The following FRK variants were observed in gnomAD, a reference collection of about 807,000 sequenced individuals.
The protein encoded by FRK is tyrosine-protein kinase FRK.
Under a neutral mutation model 56.4 loss-of-function variants are expected in FRK, and 51 were observed. The ratio of observed to expected loss-of-function variants is 0.90; its 90% CI spans 0.72 to 1.14. The LOEUF is 1.14. Ranked by LOEUF, FRK falls within the 50% of genes most tolerant of loss-of-function variation. The pLI is 0.00. For missense variants in FRK, 570 were observed against 601.4 expected (o/e 0.95, Z 0.55); for synonymous variants, 245 against 217.9 (o/e 1.12, Z -1.10).
At chr6:116,000,711 C>A (rs1775032305) in intron 2 of FRK, among the ~76,000 whole-genome samples, 2 of 152,068 alleles carry the variant, frequency 1.3e-5, no homozygotes, top group African/African-American at 4.8e-5. Flanking sequence ...ATAAAGATTT[C>A]AAAAAGATTT....
intron 1 of FRK, among the ~76,000 whole-genome samples, chr6:116,057,460 G>C (rs532864166): frequency 6.6e-6 from 1 of 152,206 alleles, no homozygotes; most frequent in Non-Finnish European, 1.5e-5. Flanking sequence ...AGAAGCTACA[G>C]CTACTTGCAC....
At chr6:116,012,925 AT>A (rs1195103701) in intron 1 of FRK, among the ~76,000 whole-genome samples, 1 of 152,136 alleles carries the variant, frequency 6.6e-6, no homozygotes, top group African/African-American at 2.4e-5. Flanking sequence ...AATGAAATTG[AT>A]TTTTCTGTCC....
In FRK at chr6:115,942,495, T is replaced by C; in HGVS notation, c.1437A>G (p.Thr479=). Residue 479 remains threonine (T), a synonymous_variant, in exon 8 of 8, where the codon ACA becomes ACG. Coordinates refer to ENST00000606080, the MANE Select transcript of FRK (RefSeq NM_002031.3). Reference sequence around the variant, plus strand: ...CAAGTTTCCAACGCAGTGTCTCAAATGTAGGTCGTTCCTTAGGCTCTGCAT... The same window carrying C: ...CAAGTTTCCAACGCAGTGTCTCAAACGTAGGTCGTTCCTTAGGCTCTGCAT... ...CWNAEPKERP[T]FETLRWKLED... 1.2e-6 allele frequency: 2 copies of C among 1,613,820 alleles called. No individual in the cohort carries two copies. The highest frequency in any genetic ancestry group is 2.7e-5 in the African/African-American group (2 of 75,022).
Position 115,937,747 on chromosome 6 carries a change from T to C in FRK, c.*4667A>G, listed in dbSNP as rs1772077479. ...GACAAAGAAGGGCATTACATAATGG[T>C]AAACAGATCAATGCAACAAGAATAG... is the stretch of plus-strand genomic sequence containing the variant. On this transcript the variant is annotated 3_prime_UTR_variant, in exon 8 of 8. Coordinates refer to ENST00000606080, the MANE Select transcript of FRK (RefSeq NM_002031.3). 1.3e-5 allele frequency: 2 copies of C among 152,192 alleles called. No homozygotes were observed. Among genetic ancestry groups the C allele is most frequent in the African/African-American group, 2.4e-5 (1 of 41,442 alleles). 9.4% of individuals were successfully genotyped at this position (152,192 alleles called of 1,614,324 possible).
intron 2 of FRK, among the ~76,000 whole-genome samples, chr6:116,002,220 G>A (rs1775090081): frequency 6.6e-6 from 1 of 152,148 alleles, no homozygotes; most frequent in Non-Finnish European, 1.5e-5. Flanking sequence ...ATGTGGACTG[G>A]TGTGAAGTCC....
Position 115,944,343 on chromosome 6 carries a change from A to C in FRK, c.1041T>G (p.Ser347=). 1 of 1,613,124 alleles carries C rather than the reference A, an allele frequency of 6.2e-7. No homozygotes were observed. Among genetic ancestry groups the C allele is most frequent in the South Asian group, 1.1e-5 (1 of 91,032 alleles). Residue 347 remains serine, a synonymous_variant, in exon 6 of 8, where the codon TCT becomes TCG. Transcript: ENST00000606080. ...CCAGATCTCTGTGAATGTAGTTCCG[A>C]GACTCCAGATAGGCCATTCCAGAGG... ...QVASGMAYLE[S]RNYIHRDLAA...
chr6:116,082,491 T>C, the FRK span, among the ~76,000 whole-genome samples: 13 of 152,118 alleles, frequency 8.5e-5, no homozygotes, highest in African/African-American at 2.9e-4. Flanking sequence ...AGTGAAGCAG[T>C]GTAACCACCT....
Position 115,934,622 on chromosome 6 carries a change from G to C in FRK, c.*7792C>G, listed in dbSNP as rs532234384. The C allele has an allele frequency of 6.6e-6, 1 of 152,270 alleles. No individual in the cohort carries two copies. Among genetic ancestry groups the C allele is most frequent in the South Asian group, 2.1e-4 (1 of 4,820 alleles). 9.4% of individuals were successfully genotyped at this position (152,270 alleles called of 1,614,324 possible). ...CCTACTTCCTGTCTCCCAGTTAAAA[G>C]AGTTTACAAATTTACTTCTTGTTTA... On this transcript the variant is annotated 3_prime_UTR_variant, in exon 8 of 8. Coordinates refer to ENST00000606080, the MANE Select transcript of FRK (RefSeq NM_002031.3).
chr6:116,075,465 G>GAAA, the FRK span, among the ~76,000 whole-genome samples: 9 of 136,420 alleles, frequency 6.6e-5, no homozygotes, highest in African/African-American at 1.1e-4. Context: ...AGAGCTGGGG[G>GAAA]AAAAAAAAAA....
At chr6:116,029,963 C>A (rs1776241125) in intron 1 of FRK, among the ~76,000 whole-genome samples, 1 of 151,962 alleles carries the variant, frequency 6.6e-6, no homozygotes, top group South Asian at 2.1e-4. Context: ...ATTCCAGATC[C>A]TATTTATTTT....
At chr6:115,993,698 T>C (rs1004611446) in intron 2 of FRK, among the ~76,000 whole-genome samples, 4 of 152,060 alleles carry the variant, frequency 2.6e-5, no homozygotes, top group Non-Finnish European at 1.5e-5. Flanking sequence ...GAGGAAAGCT[T>C]TCTTATGCTA....
At chr6:115,960,586 G>A (rs1773318017) in intron 4 of FRK, among the ~76,000 whole-genome samples, 2 of 131,166 alleles carry the variant, frequency 1.5e-5, no homozygotes, top group Non-Finnish European at 3.2e-5. Context: ...TCCACCTCTG[G>A]GGGCAGGGCA....
At chr6:116,039,714 C>T (rs1309526769) in intron 1 of FRK, among the ~76,000 whole-genome samples, 2 of 152,060 alleles carry the variant, frequency 1.3e-5, no homozygotes, top group Admixed American at 6.5e-5. Flanking sequence ...TGGAACTAGA[C>T]GTCACCAAGG....
chr6:116,003,541 A>G (rs1321188901), intron 2 of FRK, among the ~76,000 whole-genome samples: 1 of 152,258 alleles, frequency 6.6e-6, no homozygotes, highest in African/African-American at 2.4e-5. Context: ...TTGTAGCATG[A>G]TAATTTTGAC....
chr6:116,063,054 T>A (rs1450828603), upstream of FRK, among the ~76,000 whole-genome samples: 1 of 152,114 alleles, frequency 6.6e-6, no homozygotes, highest in Non-Finnish European at 1.5e-5. Flanking sequence ...TCATAATAGT[T>A]TATAGAGTAG....
intron 1 of FRK, among the ~76,000 whole-genome samples, chr6:116,022,272 A>G (rs1411078467): frequency 2.6e-5 from 4 of 152,100 alleles, no homozygotes; most frequent in Non-Finnish European, 4.4e-5. Flanking sequence ...TTTACACATA[A>G]ACTCTTTCAG....
At chr6:116,026,479 T>C (rs1483218183) in intron 1 of FRK, among the ~76,000 whole-genome samples, 1 of 109,498 alleles carries the variant, frequency 9.1e-6, no homozygotes, top group African/African-American at 3.5e-5. Flanking sequence ...TAGAAAAACA[T>C]AAGTTGAACC....
chr6:115,987,604 T>G (rs978067435), intron 2 of FRK, among the ~76,000 whole-genome samples: 3 of 152,062 alleles, frequency 2.0e-5, no homozygotes, highest in Non-Finnish European at 4.4e-5. Context: ...ACACAACAAA[T>G]TAATATCTTT....
Position 115,940,962 on chromosome 6 carries a change from C to T in FRK, c.*1452G>A, listed in dbSNP as rs1254576168. 6.6e-6 allele frequency: 1 copy of T among 152,154 alleles called. No individual in the cohort carries two copies. Among genetic ancestry groups the T allele is most frequent in the Non-Finnish European group, 1.5e-5 (1 of 68,032 alleles). The allele number at this position is 152,154 out of a possible 1,614,324, so 9.4% of individuals were successfully genotyped here. ...GTAGCAATTCCTCAAGGATCTAGAA[C>T]TAGAAATACCATTTGACTCAGCGAT... On this transcript the variant is annotated 3_prime_UTR_variant, in exon 8 of 8. Coordinates refer to ENST00000606080, the MANE Select transcript of FRK (RefSeq NM_002031.3).
Sources: gnomAD v4.1 joint callset for allele counts (sites outside exome capture counted in the v4.1 genomes callset) on GRCh38, gnomAD v4.1.1 for gene constraint, MANE v1.5 for transcripts, NCBI Gene and HGNC (gene_info 2026-07-23, HGNC 2026-07-21) for gene names.